Variants in FCHSD2 observed in about 807,000 individuals in gnomAD.
FCHSD2 encodes the protein FCH and double SH3 domains 2, also known as F-BAR and double SH3 domains protein 2.
Under a neutral mutation model 108.1 loss-of-function variants are expected in FCHSD2, and 38 were observed. The observed-to-expected ratio is 0.35, with a 90% CI of 0.27 to 0.46. The LOEUF (loss-of-function observed/expected upper bound fraction) is 0.46. Among genes scored for constraint, FCHSD2 ranks in the 20% least tolerant of loss-of-function variants. The pLI, the probability that FCHSD2 is intolerant of heterozygous loss-of-function variation, is 1.00. For synonymous variants in FCHSD2, 279 were observed against 314.7 expected, an observed-to-expected ratio of 0.89 and a Z score of 1.20; for missense variants, 751 against 897.8, an observed-to-expected ratio of 0.84 and a Z score of 2.09.
intron 8 of FCHSD2, among the ~76,000 whole-genome samples, chr11:72,935,967 C>G (rs1856291600): frequency 6.6e-6 from 1 of 152,242 alleles, no homozygotes; most frequent in Non-Finnish European, 1.5e-5. Flanking sequence ...CTTATGCTCA[C>G]CCAGTTGTGA....
chr11:72,860,939 C>A (rs561386570), intron 13 of FCHSD2, among the ~76,000 whole-genome samples: 3 of 152,014 alleles, frequency 2.0e-5, no homozygotes, highest in African/African-American at 7.2e-5. Flanking sequence ...GCACTTAATG[C>A]CAATATTCAA....
At chr11:72,993,175 C>A (rs969544348) in intron 5 of FCHSD2, among the ~76,000 whole-genome samples, 19 of 151,664 alleles carry the variant, frequency 1.3e-4, no homozygotes, top group African/African-American at 4.1e-4. Context: ...TCATCACTGG[C>A]CATCAGAGAA....
intron 5 of FCHSD2, among the ~76,000 whole-genome samples, chr11:72,999,346 G>A (rs893436548): frequency 1.5e-5 from 2 of 130,614 alleles, no homozygotes; most frequent in African/African-American, 5.8e-5. Flanking sequence ...TTGAGATAGA[G>A]TCTCACTCTG....
intron 8 of FCHSD2, among the ~76,000 whole-genome samples, chr11:72,978,135 G>A (rs887165396): frequency 1.3e-5 from 2 of 151,972 alleles, no homozygotes; most frequent in African/African-American, 4.8e-5. Context: ...CACAGGGTGG[G>A]GAACATCACA....
chr11:72,982,375 T>A (rs1339963216), intron 8 of FCHSD2, among the ~76,000 whole-genome samples: 1 of 152,208 alleles, frequency 6.6e-6, no homozygotes, highest in East Asian at 1.9e-4. Context: ...AATTGCTGAT[T>A]TGTAAATTAA....
intron 5 of FCHSD2, among the ~76,000 whole-genome samples, chr11:72,994,181 C>T (rs538260106): frequency 6.6e-6 from 1 of 152,134 alleles, no homozygotes; most frequent in Non-Finnish European, 1.5e-5. Flanking sequence ...TCCATTAATG[C>T]TAGATGCTTC....
At chr11:72,942,371 C>A (rs1437340476) in intron 8 of FCHSD2, among the ~76,000 whole-genome samples, 1 of 152,208 alleles carries the variant, frequency 6.6e-6, no homozygotes, top group East Asian at 1.9e-4. Flanking sequence ...CCAAAATAAA[C>A]CTCTTTTCTT....
intron 8 of FCHSD2, among the ~76,000 whole-genome samples, chr11:72,954,250 G>A (rs1435437299): frequency 6.9e-6 from 1 of 144,350 alleles, no homozygotes; most frequent in African/African-American, 2.6e-5. Context: ...CTGTCACCCA[G>A]GCTGGAGTGC....
chr11:73,080,463 C>CA (rs893820188), intron 3 of FCHSD2, among the ~76,000 whole-genome samples: 13 of 151,050 alleles, frequency 8.6e-5, no homozygotes, highest in African/African-American at 2.9e-4. Flanking sequence ...ATGTATTTAA[C>CA]AAAAAAAAGA....
intron 8 of FCHSD2, among the ~76,000 whole-genome samples, chr11:72,944,935 CG>C (rs1164036359): frequency 5.3e-5 from 8 of 152,160 alleles, no homozygotes; most frequent in Admixed American, 2.6e-4. Context: ...TCCATGCTCA[CG>C]GGTAGGAAGA....
At chr11:72,961,455 T>C (rs1439908748) in intron 8 of FCHSD2, among the ~76,000 whole-genome samples, 1 of 152,050 alleles carries the variant, frequency 6.6e-6, no homozygotes, top group African/African-American at 2.4e-5. Context: ...GGGGTCTCAC[T>C]ATGTTGCCCA....
intron 9 of FCHSD2, among the ~76,000 whole-genome samples, chr11:72,908,764 T>A (rs931847053): frequency 6.6e-6 from 1 of 152,122 alleles, no homozygotes; most frequent in Admixed American, 6.5e-5. Flanking sequence ...CCTCCCTGGC[T>A]CAAGAGATCC....
intron 4 of FCHSD2, among the ~76,000 whole-genome samples, chr11:73,008,168 A>G (rs1048909092): frequency 1.3e-5 from 2 of 152,002 alleles, no homozygotes; most frequent in Non-Finnish European, 2.9e-5. Context: ...GTAAAACCCC[A>G]TCTCTACTAA....
chr11:72,940,646 G>T, intron 8 of FCHSD2: 1 of 1,438,218 alleles, frequency 7.0e-7, no homozygotes. Context: ...AAAGCGCGCC[G>T]ACCAGGCTGC....
intron 3 of FCHSD2, among the ~76,000 whole-genome samples, chr11:73,051,399 T>C (rs1858895590): frequency 6.6e-6 from 1 of 152,222 alleles, no homozygotes; most frequent in Non-Finnish European, 1.5e-5. Context: ...TAAATTTTAA[T>C]CAGCCTATAA....
intron 12 of FCHSD2, 114 bp downstream of exon 12, chr11:72,887,356 C>T (rs1263254011): frequency 1.3e-5 from 9 of 680,104 alleles, no homozygotes; most frequent in South Asian, 3.6e-5. Flanking sequence ...CGAATGAAGA[C>T]GGTGAATCAC....
At chr11:72,915,548 C>A (rs1007301512) in intron 9 of FCHSD2, among the ~76,000 whole-genome samples, 1 of 152,010 alleles carries the variant, frequency 6.6e-6, no homozygotes, top group African/African-American at 2.4e-5. Flanking sequence ...CATGGTCGGG[C>A]GTGGTGGCTC....
intron 2 of FCHSD2, among the ~76,000 whole-genome samples, chr11:73,136,560 A>T (rs1298893111): frequency 1.3e-5 from 2 of 152,026 alleles, no homozygotes; most frequent in East Asian, 3.9e-4. Flanking sequence ...TAATAATAAT[A>T]AAAAAAATTA....
At position 72,902,633 on chromosome 11, in the gene FCHSD2, G is replaced by T; in HGVS notation, c.834C>A (p.Val278=). ...AAAACAGCTGAAGATTGTAGTCCCG[G>T]ACCACCTAAAGAGAAAATAAAATAT... ...QFLLENSSKV[V]RDYNLQLFLQ... The change falls in exon 10 of 20, where the codon GTC becomes GTA. Residue 278 remains valine (V), a synonymous_variant. Coordinates refer to ENST00000409418, the MANE Select transcript of FCHSD2 (RefSeq NM_014824.3). 3 of 1,564,750 alleles carry T rather than the reference G, an allele frequency of 1.9e-6. No homozygotes were observed. In the South Asian group the frequency reaches 3.5e-5, roughly 18 times the overall value.
Sources: gnomAD v4.1 joint callset for allele counts (sites outside exome capture counted in the v4.1 genomes callset) on GRCh38, gnomAD v4.1.1 for gene constraint, MANE v1.5 for transcripts, NCBI Gene and HGNC (gene_info 2026-07-23, HGNC 2026-07-21) for gene names.